Variants in GRM1 observed in about 807,000 individuals in gnomAD.
GRM1 encodes glutamate metabotropic receptor 1.
GRM1 carries 33 observed loss-of-function variants against 90.9 expected under a neutral mutation model. The observed-to-expected ratio is 0.36, with a 90% CI of 0.28 to 0.49. The LOEUF (loss-of-function observed/expected upper bound fraction) is 0.49. Among genes scored for constraint, GRM1 ranks in the 20% least tolerant of loss-of-function variants. The pLI is 0.99. For missense variants in GRM1, 1,190 were observed against 1,534.3 expected (o/e 0.78, Z 3.75); for synonymous variants, 700 against 613.2 (o/e 1.14, Z -2.09).
At chr6:146,035,585 G>T (rs780266730) in intron 1 of GRM1, among the ~76,000 whole-genome samples, 18 of 151,818 alleles carry the variant, frequency 1.2e-4, no homozygotes, top group Non-Finnish European at 2.5e-4. Flanking sequence ...ACTACTGTAA[G>T]GTCCCCTAAC....
intron 2 of GRM1, among the ~76,000 whole-genome samples, chr6:146,182,052 C>T (rs928888739): frequency 2.0e-5 from 3 of 152,028 alleles, no homozygotes; most frequent in African/African-American, 7.2e-5. Flanking sequence ...ATTTCCACAG[C>T]TTACCTAAGA....
intron 2 of GRM1, among the ~76,000 whole-genome samples, chr6:146,246,495 G>A (rs1263201413): frequency 6.6e-6 from 1 of 152,156 alleles, no homozygotes; most frequent in African/African-American, 2.4e-5. Flanking sequence ...AAGATCAAAG[G>A]CTAGATTATG....
intron 1 of GRM1, among the ~76,000 whole-genome samples, chr6:146,056,312 C>G (rs914086161): frequency 6.6e-6 from 1 of 152,112 alleles, no homozygotes; most frequent in Admixed American, 6.6e-5. Flanking sequence ...CCTCTCCAGC[C>G]AACTGTGGTC....
intron 1 of GRM1, among the ~76,000 whole-genome samples, chr6:146,078,091 AT>A (rs1298246477): frequency 2.0e-5 from 3 of 152,248 alleles, no homozygotes; most frequent in Non-Finnish European, 2.9e-5. Context: ...AAAGAACACT[AT>A]TGGAAAAAAA....
At chr6:146,234,094 A>G (rs891614737) in intron 2 of GRM1, among the ~76,000 whole-genome samples, 2 of 151,908 alleles carry the variant, frequency 1.3e-5, no homozygotes, top group African/African-American at 4.8e-5. Flanking sequence ...AGGTTCATTT[A>G]TGTTATAGTT....
chr6:146,231,219 C>T (rs1387657347), intron 2 of GRM1, among the ~76,000 whole-genome samples: 1 of 152,012 alleles, frequency 6.6e-6, no homozygotes. Flanking sequence ...CACTCTGGTG[C>T]GTGATGTTAA....
intron 2 of GRM1, among the ~76,000 whole-genome samples, chr6:146,231,501 A>C (rs773526656): frequency 1.3e-4 from 20 of 152,110 alleles, no homozygotes; most frequent in Non-Finnish European, 2.8e-4. Flanking sequence ...AAGAGATGAA[A>C]ACTATAAAAA....
chr6:146,233,481 A>G (rs1780516451), intron 2 of GRM1, among the ~76,000 whole-genome samples: 1 of 152,046 alleles, frequency 6.6e-6, no homozygotes, highest in African/African-American at 2.4e-5. Flanking sequence ...TGTCCTATTA[A>G]TTTTGGTAGA....
intron 5 of GRM1, among the ~76,000 whole-genome samples, chr6:146,374,130 T>C (rs1207355330): frequency 7.0e-6 from 1 of 143,168 alleles, no homozygotes; most frequent in East Asian, 2.0e-4. Context: ...ATATGGTTTT[T>C]ATCCTTTATT....
At chr6:146,358,218 T>G (rs556450979) in intron 5 of GRM1, among the ~76,000 whole-genome samples, 68 of 150,468 alleles carry the variant, frequency 4.5e-4, no homozygotes, top group Non-Finnish European at 7.5e-4. Flanking sequence ...TTCTAACTAT[T>G]TTCAGGAGCT....
chr6:146,322,871 C>G (rs538154735), intron 3 of GRM1, among the ~76,000 whole-genome samples: 1 of 151,828 alleles, frequency 6.6e-6, no homozygotes, highest in East Asian at 1.9e-4. Flanking sequence ...TTTCTACTTG[C>G]GATAGTTTGC....
intron 7 of GRM1, among the ~76,000 whole-genome samples, chr6:146,409,553 T>TTTTTG (rs139595396): frequency 0.059 from 8,927 of 152,096 alleles, 392 homozygotes; most frequent in East Asian, 0.2. Flanking sequence ...TTAAGTTTTG[T>TTTTTG]TTTTGTTTTG....
intron 7 of GRM1, among the ~76,000 whole-genome samples, chr6:146,409,143 G>A (rs1164886086): frequency 6.6e-6 from 1 of 152,164 alleles, no homozygotes; most frequent in African/African-American, 2.4e-5. Flanking sequence ...TGGGTCCAGA[G>A]TGGAAAGGCT....
intron 1 of GRM1, among the ~76,000 whole-genome samples, chr6:146,044,809 G>A (rs1791263653): frequency 6.6e-6 from 1 of 151,978 alleles, no homozygotes; most frequent in Admixed American, 6.6e-5. Flanking sequence ...AATCGAGTGA[G>A]TGATTAATTT....
intron 3 of GRM1, among the ~76,000 whole-genome samples, chr6:146,308,054 C>G (rs1783641985): frequency 6.6e-6 from 1 of 152,166 alleles, no homozygotes; most frequent in African/African-American, 2.4e-5. Flanking sequence ...AGCTGTAAAG[C>G]AAATCAGAGT....
At chr6:146,397,229 T>C (rs1776974262) in intron 6 of GRM1, among the ~76,000 whole-genome samples, 1 of 151,906 alleles carries the variant, frequency 6.6e-6, no homozygotes, top group Non-Finnish European at 1.5e-5. Flanking sequence ...ATGCCTGTAG[T>C]CCCAGCACTT....
At chr6:146,321,159 C>T (rs1273797634) in intron 3 of GRM1, among the ~76,000 whole-genome samples, 2 of 152,192 alleles carry the variant, frequency 1.3e-5, no homozygotes, top group African/African-American at 2.4e-5. Context: ...CCCAGAGATT[C>T]TGGCACATTT....
chr6:146,352,516 A>C lies in GRM1; in HGVS notation c.1433+20A>C. 1 of 1,612,362 alleles carries C rather than the reference A, an allele frequency of 6.2e-7. No individual in the cohort carries two copies. On this transcript the variant is annotated intron_variant, in intron 4 of 7. Transcript: ENST00000282753. Reference sequence around the variant, plus strand: ...TGGAAGGTAATCTTTTCAGTAATCAATCTAAGTAACCTTGTGAGCCTTCCT... The same window carrying C: ...TGGAAGGTAATCTTTTCAGTAATCACTCTAAGTAACCTTGTGAGCCTTCCT...
chr6:146,400,918 T>TTTA (rs1049268316), intron 7 of GRM1, among the ~76,000 whole-genome samples: 1 of 152,150 alleles, frequency 6.6e-6, no homozygotes, highest in Non-Finnish European at 1.5e-5. Context: ...CTTGTATTTA[T>TTTA]TTATTATTAT....
Sources: allele counts gnomAD v4.1 joint callset (sites outside exome capture counted in the v4.1 genomes callset), GRCh38; gene constraint gnomAD v4.1.1; transcripts MANE v1.5; gene names NCBI Gene and HGNC (gene_info 2026-07-23, HGNC 2026-07-21).